TBC1D5: variants seen among roughly 807,000 people sequenced by gnomAD.
The protein encoded by TBC1D5 is TBC1 domain family, member 5.
TBC1D5 carries 75 observed loss-of-function variants against 100.3 expected under a neutral mutation model. The observed-to-expected ratio is 0.75, with a 90% confidence interval of 0.62 to 0.91. TBC1D5 has a LOEUF of 0.91. TBC1D5 is among the 40% of genes least tolerant of loss of function. TBC1D5 has a pLI of 0.00. For missense variants in TBC1D5, 910 were observed against 942.4 expected, an observed-to-expected ratio of 0.97 and a Z score of 0.45; for synonymous variants, 323 against 325.6, an observed-to-expected ratio of 0.99 and a Z score of 0.09.
At chr3:17,520,886 A>G (rs1447031007) in intron 2 of TBC1D5, among the ~76,000 whole-genome samples, 1 of 152,158 alleles carries the variant, frequency 6.6e-6, no homozygotes, top group Non-Finnish European at 1.5e-5. Context: ...CCAGGATTAA[A>G]AGAGATCTCA....
At chr3:17,661,606 T>C (rs2066657663) in intron 1 of TBC1D5, among the ~76,000 whole-genome samples, 5 of 151,940 alleles carry the variant, frequency 3.3e-5, no homozygotes. Flanking sequence ...GTTCAAGCGA[T>C]TCCCCTGCCT....
chr3:17,550,341 C>T (rs2096461605), intron 2 of TBC1D5, among the ~76,000 whole-genome samples: 1 of 152,086 alleles, frequency 6.6e-6, no homozygotes, highest in African/African-American at 2.4e-5. Flanking sequence ...TTGCTGATTC[C>T]TATCTGCAGT....
At chr3:17,636,185 T>C (rs897895424) in intron 1 of TBC1D5, among the ~76,000 whole-genome samples, 2 of 151,432 alleles carry the variant, frequency 1.3e-5, no homozygotes, top group African/African-American at 4.9e-5. Context: ...AAACTCCATA[T>C]CAAGAAAAAA....
At chr3:17,417,461 GA>G (rs200140978) in intron 4 of TBC1D5, among the ~76,000 whole-genome samples, 13,624 of 151,316 alleles carry the variant, frequency 0.09, 1,387 homozygotes, top group African/African-American at 0.25. Flanking sequence ...TTGTTCTTGC[GA>G]ATAGTTTACT....
In TBC1D5 at chr3:17,404,336, T is replaced by G. The variant is rs528230542; in HGVS notation, c.441+358A>C. ...CTTCCTGCGAGTTAGCCCTACTAAG[T>G]GAGCCCTTCTTTATTTTCACGACGA... On this transcript the variant is annotated intron_variant, in intron 7 of 21. Transcript: ENST00000253692. Among the ~76,000 whole-genome samples, 405 of 152,106 alleles carry G rather than the reference T, an allele frequency of 2.7e-3. 1 individual carries two copies. Among genetic ancestry groups the G allele is most frequent in the Non-Finnish European group, 4.5e-3 (305 of 67,968 alleles).
intron 15 of TBC1D5, among the ~76,000 whole-genome samples, chr3:17,265,167 A>C (rs1266420316): frequency 4.6e-5 from 7 of 152,048 alleles, no homozygotes; most frequent in African/African-American, 1.7e-4. Context: ...TATAATAATC[A>C]AAGTGATTTC....
At chr3:17,320,454 T>C (rs776733808) in intron 13 of TBC1D5, among the ~76,000 whole-genome samples, 4 of 152,214 alleles carry the variant, frequency 2.6e-5, no homozygotes, top group South Asian at 2.1e-4. Context: ...TTTAAGAGTG[T>C]ATAAGAGGAT....
chr3:17,504,013 G>T (rs954927576), intron 3 of TBC1D5, among the ~76,000 whole-genome samples: 2 of 149,068 alleles, frequency 1.3e-5, no homozygotes, highest in Admixed American at 1.3e-4. Flanking sequence ...GAGAACAGAG[G>T]ATAAAACAGG....
intron 13 of TBC1D5, among the ~76,000 whole-genome samples, chr3:17,371,808 T>C (rs374375474): frequency 6.6e-5 from 10 of 152,134 alleles, no homozygotes; most frequent in African/African-American, 2.4e-4. Flanking sequence ...CCCAGCACTT[T>C]GGGAAGCAGA....
intron 13 of TBC1D5, among the ~76,000 whole-genome samples, chr3:17,353,815 G>A (rs186313684): frequency 2.0e-5 from 3 of 152,162 alleles, no homozygotes; most frequent in African/African-American, 4.8e-5. Context: ...TTTATTAGCA[G>A]CAAGCTCCAT....
At chr3:17,186,285 T>C (rs2069061243) in intron 18 of TBC1D5, among the ~76,000 whole-genome samples, 1 of 152,226 alleles carries the variant, frequency 6.6e-6, no homozygotes, top group Non-Finnish European at 1.5e-5. Flanking sequence ...TGGAAATTAA[T>C]AGTTGAAAAG....
intron 1 of TBC1D5, among the ~76,000 whole-genome samples, chr3:17,709,225 C>G (rs1368899423): frequency 1.3e-5 from 2 of 152,146 alleles, no homozygotes; most frequent in African/African-American, 4.8e-5. Context: ...CATGACTTAT[C>G]AAAGATTCAT....
intron 1 of TBC1D5, among the ~76,000 whole-genome samples, chr3:17,658,772 C>T (rs1204021165): frequency 6.6e-6 from 1 of 152,170 alleles, no homozygotes; most frequent in Non-Finnish European, 1.5e-5. Flanking sequence ...AAGCGATTCT[C>T]GTGCCTCAGC....
chr3:17,629,614 G>A (rs973175988), intron 1 of TBC1D5, among the ~76,000 whole-genome samples: 4 of 152,336 alleles, frequency 2.6e-5, no homozygotes, highest in South Asian at 4.1e-4. Context: ...ACTGAGGAAT[G>A]TGAGAAAAAT....
chr3:17,717,888 AT>A (rs1013781264), intron 1 of TBC1D5, among the ~76,000 whole-genome samples: 19 of 151,798 alleles, frequency 1.3e-4, no homozygotes, highest in African/African-American at 2.9e-4. Flanking sequence ...GATATTTTTA[AT>A]TTTTTTTTAT....
chr3:17,705,474 G>A, intron 1 of TBC1D5, among the ~76,000 whole-genome samples: 1 of 149,312 alleles, frequency 6.7e-6, no homozygotes, highest in Non-Finnish European at 1.5e-5. Flanking sequence ...GGGCGGAGGG[G>A]CTCCTCACTT....
intron 4 of TBC1D5, among the ~76,000 whole-genome samples, chr3:17,421,063 A>G (rs2094195908): frequency 6.6e-6 from 1 of 152,230 alleles, no homozygotes. Flanking sequence ...AATGCAAACA[A>G]ATCAGTTGAC....
chr3:17,669,556 A>T (rs975075207), intron 1 of TBC1D5, among the ~76,000 whole-genome samples: 5 of 152,220 alleles, frequency 3.3e-5, no homozygotes, highest in Non-Finnish European at 7.3e-5. Flanking sequence ...AAAGAAAAAA[A>T]CTAAATCACT....
At chr3:17,582,048 A>G (rs984377550) in intron 2 of TBC1D5, among the ~76,000 whole-genome samples, 4 of 152,098 alleles carry the variant, frequency 2.6e-5, no homozygotes, top group Admixed American at 6.5e-5. Context: ...TCTTCTCCCT[A>G]TACTCCAAAC....
Sources: allele counts gnomAD v4.1 joint callset (sites outside exome capture counted in the v4.1 genomes callset), GRCh38; gene constraint gnomAD v4.1.1; transcripts MANE v1.5; gene names NCBI Gene and HGNC (gene_info 2026-07-23, HGNC 2026-07-21).